The following PCDHA13 variants were observed in gnomAD, a reference collection of about 807,000 sequenced individuals.
PCDHA13 encodes the protein protocadherin alpha-13.
In PCDHA13, 54 loss-of-function variants were observed where a neutral mutation model predicts 64.8. That is an observed-to-expected ratio of 0.83 (90% CI 0.67 to 1.04). The LOEUF is 1.04. PCDHA13 is among the 50% of genes least tolerant of loss of function. PCDHA13 has a pLI of 0.00. For missense variants in PCDHA13, 1,248 were observed against 1,254.3 expected, an observed-to-expected ratio of 0.99 and a Z score of 0.08; for synonymous variants, 587 against 564.4, an observed-to-expected ratio of 1.04 and a Z score of -0.57.
intron 1 of PCDHA13, among the ~76,000 whole-genome samples, chr5:140,889,098 T>C (rs1252119447): frequency 6.6e-6 from 1 of 152,012 alleles, no homozygotes; most frequent in African/African-American, 2.4e-5. Flanking sequence ...AACAATTTTT[T>C]CATCTTTATT....
At position 140,967,211 on chromosome 5, in the gene PCDHA13, C is replaced by T. The variant is rs549238768; in HGVS notation, c.2395-11738C>T. On this transcript the variant is annotated intron_variant, in intron 1 of 3. Transcript: ENST00000289272. ...CATCAACGACAACTCACCGCGTTTC[C>T]CGCGGCCCAACTACCAGCTTCAGGT... 1.1e-5 allele frequency: 18 copies of T among 1,613,676 alleles called. No individual in the cohort carries two copies. The East Asian group carries it at 3.3e-4, about 30-fold the overall frequency.
Position 140,975,977 on chromosome 5 carries a change from TA to T in PCDHA13, c.2395-2971del, listed in dbSNP as rs781900191. ...GTTCTTCACCAATAGAAAGTAAGCATAGTCCTGGGAGGTACCATCTAAGTAT... is the reference window on the plus strand; with the variant it reads ...GTTCTTCACCAATAGAAAGTAAGCATGTCCTGGGAGGTACCATCTAAGTAT... On this transcript the variant is annotated intron_variant, in intron 1 of 3. Coordinates refer to ENST00000289272, the MANE Select transcript of PCDHA13 (RefSeq NM_018904.3). Among the ~76,000 whole-genome samples, 17 of 152,284 alleles carry T rather than the reference TA, an allele frequency of 1.1e-4. 1 individual carries two copies. The highest frequency in any genetic ancestry group is 1.8e-4 in the Non-Finnish European group (12 of 68,014).
At chr5:140,980,237 A>C (rs1159780134) in intron 2 of PCDHA13, among the ~76,000 whole-genome samples, 1 of 152,238 alleles carries the variant, frequency 6.6e-6, no homozygotes, top group Non-Finnish European at 1.5e-5. Context: ...GTTGGTGGAG[A>C]CATGCAATGG....
chr5:140,937,560 T>A (rs933672983), intron 1 of PCDHA13, among the ~76,000 whole-genome samples: 1 of 152,060 alleles, frequency 6.6e-6, no homozygotes, highest in Non-Finnish European at 1.5e-5. Flanking sequence ...GAGGTTGCAG[T>A]GAGCTGGGAT....
intron 1 of PCDHA13, among the ~76,000 whole-genome samples, chr5:140,933,323 T>C (rs935740276): frequency 6.6e-6 from 1 of 152,016 alleles, no homozygotes; most frequent in Admixed American, 6.6e-5. Flanking sequence ...CGTATTCTCC[T>C]GTGCTGTAGA....
At chr5:141,009,120 T>C (rs1383940737) in intron 3 of PCDHA13, among the ~76,000 whole-genome samples, 1 of 152,236 alleles carries the variant, frequency 6.6e-6, no homozygotes, top group African/African-American at 2.4e-5. Flanking sequence ...ACTAGATTCT[T>C]GGTATCCTGG....
chr5:140,980,857 T>C (rs2153822974), intron 2 of PCDHA13, among the ~76,000 whole-genome samples: 1 of 152,334 alleles, frequency 6.6e-6, no homozygotes. Flanking sequence ...ATCTTTTTCG[T>C]ATGTGTGCTT....
chr5:140,938,124 A>G (rs2091929948), intron 1 of PCDHA13, among the ~76,000 whole-genome samples: 1 of 152,076 alleles, frequency 6.6e-6, no homozygotes, highest in South Asian at 2.1e-4. Flanking sequence ...TTTTTTTAAA[A>G]AAATAGAGAT....
chr5:140,904,584 A>T (rs1434719463), intron 1 of PCDHA13, among the ~76,000 whole-genome samples: 1 of 152,088 alleles, frequency 6.6e-6, no homozygotes, highest in African/African-American at 2.4e-5. Context: ...GACACCCAGT[A>T]GTGGGACTGC....
chr5:140,982,380 C>G, intron 2 of PCDHA13, 95 bp from the exon 3 acceptor site: 1 of 1,577,206 alleles, frequency 6.3e-7, no homozygotes, highest in Non-Finnish European at 8.6e-7. Flanking sequence ...AGCTGCAGCC[C>G]TGGCTTCATA....
In PCDHA13 at chr5:140,883,263, G is replaced by T. The variant is rs562257406; in HGVS notation, c.995G>T (p.Gly332Val). The change falls in exon 1 of 4, where the codon GGT becomes GTT. Residue 332 changes from glycine (G) to valine (V), a missense_variant. By Grantham distance (109) the Gly-to-Val change is moderately radical. Coordinates refer to ENST00000289272, the MANE Select transcript of PCDHA13 (RefSeq NM_018904.3). ...AVDKGNIPMA[G>V]HCTLLVEVLD... Reference sequence around the variant, plus strand: ...GACAAAGGAAATATTCCAATGGCGGGTCATTGTACCCTTTTGGTGGAAGTA... The same window carrying T: ...GACAAAGGAAATATTCCAATGGCGGTTCATTGTACCCTTTTGGTGGAAGTA... The T allele has an allele frequency of 1.2e-6, 2 of 1,613,988 alleles. No individual in the cohort carries two copies. Among genetic ancestry groups the T allele is most frequent in the Admixed American group, 1.7e-5 (1 of 59,992 alleles).
intron 1 of PCDHA13, among the ~76,000 whole-genome samples, chr5:140,914,821 A>G (rs1046692794): frequency 6.6e-6 from 1 of 152,212 alleles, no homozygotes; most frequent in Non-Finnish European, 1.5e-5. Flanking sequence ...AACAGACTGC[A>G]TAAACAAAAA....
At chr5:140,987,045 C>G (rs1344958949) in intron 3 of PCDHA13, among the ~76,000 whole-genome samples, 1 of 151,982 alleles carries the variant, frequency 6.6e-6, no homozygotes, top group Non-Finnish European at 1.5e-5. Flanking sequence ...GAAACCCCAT[C>G]TCTACTAAAG....
Position 141,010,422 on chromosome 5 carries a change from G to A in PCDHA13, c.*485G>A. The A allele has an allele frequency of 8.7e-7, 1 of 1,145,442 alleles. No homozygotes were observed. Among genetic ancestry groups the A allele is most frequent in the Non-Finnish European group, 1.2e-6 (1 of 836,490 alleles). The allele number at this position is 1,145,442 out of a possible 1,614,324, so 71.0% of individuals were successfully genotyped here. A position where few individuals can be genotyped will look rare whatever the true frequency, so the allele number is the denominator to read the frequency against. On this transcript the variant is annotated 3_prime_UTR_variant, in exon 4 of 4. Transcript: ENST00000289272. ...AGCTTAGACTAATTGGTACAAGGAA[G>A]GCAAGAAAACAAAGACAAATAAACA... is the stretch of plus-strand genomic sequence containing the variant.
rs569740487 is a variant in PCDHA13, at chr5:140,970,470, G to A, written c.2395-8479G>A. On this transcript the variant is annotated intron_variant, in intron 1 of 3. Transcript: ENST00000289272. Reference sequence around the variant, plus strand: ...AGTTTTGAGATTTAAGTAGGTATAAGGCCAGCTTGTTCATTATTATGAAGA... The same window carrying A: ...AGTTTTGAGATTTAAGTAGGTATAAAGCCAGCTTGTTCATTATTATGAAGA... Among the ~76,000 whole-genome samples the A allele has an allele frequency of 2.6e-5, 4 of 152,238 alleles. No homozygotes were observed. In the South Asian group the frequency reaches 8.3e-4, roughly 32 times the overall value.
chr5:140,916,692 C>T (rs968252842), intron 1 of PCDHA13, among the ~76,000 whole-genome samples: 47 of 152,270 alleles, frequency 3.1e-4, no homozygotes, highest in African/African-American at 1.0e-3. Flanking sequence ...TCTTTTCTCT[C>T]CTCTCCTTAA....
chr5:140,931,579 A>G (rs1464146269), intron 1 of PCDHA13, among the ~76,000 whole-genome samples: 2 of 152,102 alleles, frequency 1.3e-5, no homozygotes, highest in Non-Finnish European at 2.9e-5. Flanking sequence ...CCATTCATTC[A>G]GTTGAACAGT....
At chr5:140,884,907 C>T (rs1263861482) in intron 1 of PCDHA13, among the ~76,000 whole-genome samples, 2 of 152,148 alleles carry the variant, frequency 1.3e-5, no homozygotes, top group Non-Finnish European at 2.9e-5. Flanking sequence ...CTGTTGTATT[C>T]TTAATAGTTC....
intron 3 of PCDHA13, among the ~76,000 whole-genome samples, chr5:140,984,282 C>T (rs543279467): frequency 6.6e-6 from 1 of 152,296 alleles, no homozygotes; most frequent in Admixed American, 6.5e-5. Flanking sequence ...ATACATTCTC[C>T]CTCCCATTGG....
Sources: allele counts gnomAD v4.1 joint callset (sites outside exome capture counted in the v4.1 genomes callset), GRCh38; gene constraint gnomAD v4.1.1; transcripts MANE v1.5; gene names NCBI Gene and HGNC (gene_info 2026-07-23, HGNC 2026-07-21).